The following RIMS2 variants were observed in gnomAD, a reference collection of about 807,000 sequenced individuals.
RIMS2 encodes regulating synaptic membrane exocytosis 2.
Under a neutral mutation model 174.4 loss-of-function variants are expected in RIMS2, and 59 were observed. The ratio of observed to expected loss-of-function variants is 0.34; its 90% CI spans 0.27 to 0.42. The LOEUF (loss-of-function observed/expected upper bound fraction) is 0.42, where lower values mean the gene tolerates loss of function less well. Ranked by LOEUF, RIMS2 falls within the 10% of genes least tolerant of loss-of-function variation. RIMS2 has a pLI of 1.00. For missense variants in RIMS2, 1,620 were observed against 1,666.3 expected, an observed-to-expected ratio of 0.97 and a Z score of 0.48; for synonymous variants, 606 against 572.5, an observed-to-expected ratio of 1.06 and a Z score of -0.84.
At chr8:104,036,246 G>A (rs1364084870) in intron 19 of RIMS2, among the ~76,000 whole-genome samples, 2 of 151,854 alleles carry the variant, frequency 1.3e-5, no homozygotes, top group Non-Finnish European at 2.9e-5. Context: ...CGCCTCCTGG[G>A]TTCACCCCAT....
intron 19 of RIMS2, 152 bp downstream of exon 21, chr8:104,014,767 T>C (rs920958877): frequency 7.1e-6 from 3 of 419,832 alleles, no homozygotes; most frequent in African/African-American, 6.1e-5. Context: ...AAATATTATG[T>C]ATTTTTGAAT....
At chr8:103,846,678 G>A (rs964003620) in intron 3 of RIMS2, among the ~76,000 whole-genome samples, 7 of 152,158 alleles carry the variant, frequency 4.6e-5, no homozygotes, top group African/African-American at 1.7e-4. Flanking sequence ...CTTTGTACCA[G>A]TCAGAGCCAG....
rs545041888 is a variant in RIMS2 at position 104,126,882 on chromosome 8, T to A, written c.3334+112267T>A. Among the ~76,000 whole-genome samples, 11 of 152,156 alleles carry A rather than the reference T, an allele frequency of 7.2e-5. No individual in the cohort carries two copies. In the East Asian group the frequency reaches 2.1e-3, roughly 29 times the overall value. ...TTAGTACTTTTCAAGATAGAAAAAA[T>A]CCCTGCAAATACACTTGCCTCAAGA... On this transcript the variant is annotated intron_variant, in intron 19 of 23. Coordinates refer to ENST00000504942, the Ensembl canonical transcript of RIMS2.
At chr8:103,508,721 T>G (rs1456324633) in intron 1 of RIMS2, among the ~76,000 whole-genome samples, 1 of 152,200 alleles carries the variant, frequency 6.6e-6, no homozygotes, top group East Asian at 1.9e-4. Context: ...TTAGAAGGTG[T>G]AATACTAGAG....
chr8:103,659,238 CA>C (rs2096567443), intron 1 of RIMS2, among the ~76,000 whole-genome samples: 1 of 152,050 alleles, frequency 6.6e-6, no homozygotes, highest in Non-Finnish European at 1.5e-5. Context: ...TGAAGAGGAG[CA>C]AGACTCTGGC....
intron 14 of RIMS2, among the ~76,000 whole-genome samples, chr8:103,947,587 T>C (rs2084115597): frequency 1.3e-5 from 2 of 152,124 alleles, no homozygotes; most frequent in African/African-American, 4.8e-5. Context: ...ATAGAAAAGG[T>C]ACAGTCAAAA....
chr8:103,772,443 T>A (rs7007619), intron 3 of RIMS2, among the ~76,000 whole-genome samples: 58,757 of 151,746 alleles, frequency 0.39, 11,771 homozygotes, highest in African/African-American at 0.44. Context: ...AAGTACTTAG[T>A]TATAAATCTA....
intron 2 of RIMS2, among the ~76,000 whole-genome samples, chr8:103,762,870 T>C (rs1314217100): frequency 6.6e-6 from 1 of 152,202 alleles, no homozygotes; most frequent in Non-Finnish European, 1.5e-5. Context: ...TATTAAATAT[T>C]GTAGGCAGTA....
intron 15 of RIMS2, among the ~76,000 whole-genome samples, chr8:103,974,228 A>G (rs905243450): frequency 3.9e-5 from 6 of 152,320 alleles, no homozygotes; most frequent in Non-Finnish European, 5.9e-5. Context: ...AATGTGAGTT[A>G]ATATTGTAAA....
chr8:103,944,202 C>T (rs958775599), intron 14 of RIMS2, among the ~76,000 whole-genome samples: 2 of 152,004 alleles, frequency 1.3e-5, no homozygotes, highest in Non-Finnish European at 2.9e-5. Flanking sequence ...GTCTTTCAGC[C>T]TCCCCACATA....
intron 19 of RIMS2, among the ~76,000 whole-genome samples, chr8:104,053,639 T>C (rs1267720111): frequency 6.6e-6 from 1 of 152,238 alleles, no homozygotes; most frequent in Non-Finnish European, 1.5e-5. Context: ...TGTTTTAATA[T>C]GTAATTGAGT....
intron 3 of RIMS2, among the ~76,000 whole-genome samples, chr8:103,786,729 G>GA (rs956968071): frequency 1.3e-5 from 2 of 152,136 alleles, no homozygotes; most frequent in South Asian, 2.1e-4. Flanking sequence ...GTGTGGTTCT[G>GA]AAAAAAATGT....
chr8:103,827,110 A>G (rs1307242060), intron 3 of RIMS2, among the ~76,000 whole-genome samples: 1 of 152,144 alleles, frequency 6.6e-6, no homozygotes, highest in Non-Finnish European at 1.5e-5. Context: ...CCAGTGGTGT[A>G]TCTCTTCATT....
chr8:104,046,909 G>A (rs1004961258), intron 19 of RIMS2, among the ~76,000 whole-genome samples: 1 of 147,878 alleles, frequency 6.8e-6, no homozygotes, highest in African/African-American at 2.4e-5. Flanking sequence ...ATAAGCTTAA[G>A]CTTAAATATT....
intron 19 of RIMS2, among the ~76,000 whole-genome samples, chr8:104,059,400 G>A (rs1244864064): frequency 6.6e-6 from 1 of 151,348 alleles, no homozygotes; most frequent in African/African-American, 2.4e-5. Context: ...GAATGCTTGT[G>A]ATTTTTGTAC....
chr8:103,811,305 T>C (rs2098686315), intron 3 of RIMS2, among the ~76,000 whole-genome samples: 1 of 152,206 alleles, frequency 6.6e-6, no homozygotes, highest in Non-Finnish European at 1.5e-5. Flanking sequence ...CTCTTTCTTT[T>C]AATTGGTAGA....
intron 1 of RIMS2, among the ~76,000 whole-genome samples, chr8:103,687,317 G>T (rs986471898): frequency 6.6e-5 from 10 of 150,426 alleles, no homozygotes; most frequent in Non-Finnish European, 1.5e-4. Context: ...TAGGTAATTT[G>T]TGTCTTGTTT....
intron 1 of RIMS2, among the ~76,000 whole-genome samples, chr8:103,550,047 CGAGA>C (rs756879335): frequency 1.2e-4 from 19 of 152,058 alleles, no homozygotes; most frequent in Non-Finnish European, 1.8e-4. Flanking sequence ...GACAGATCAA[CGAGA>C]GAGAAAGTTA....
At chr8:103,883,072 A>G (rs2099176594) in intron 3 of RIMS2, among the ~76,000 whole-genome samples, 1 of 151,704 alleles carries the variant, frequency 6.6e-6, no homozygotes, top group Non-Finnish European at 1.5e-5. Flanking sequence ...TAAGAAATGG[A>G]AGATGGTTTT....
Sources: gnomAD v4.1 joint callset for allele counts (sites outside exome capture counted in the v4.1 genomes callset) on GRCh38, gnomAD v4.1.1 for gene constraint, MANE v1.5 for transcripts, NCBI Gene and HGNC (gene_info 2026-07-23, HGNC 2026-07-21) for gene names.